The following NLGN1 variants were observed in gnomAD, a reference collection of about 807,000 sequenced individuals.
NLGN1 encodes neuroligin-1.
Under a neutral mutation model 65.5 loss-of-function variants are expected in NLGN1, and 12 were observed. That is an observed-to-expected ratio of 0.18 (90% CI 0.12 to 0.30). NLGN1 has a LOEUF of 0.30. Among genes scored for constraint, NLGN1 ranks in the 10% least tolerant of loss-of-function variants. The pLI is 1.00. For synonymous variants in NLGN1, 350 were observed against 359.5 expected (o/e 0.97, Z 0.30); for missense variants, 750 against 1,007.1 (o/e 0.74, Z 3.46).
intron 4 of NLGN1, among the ~76,000 whole-genome samples, chr3:173,993,330 G>A (rs1721530514): frequency 6.6e-6 from 1 of 152,202 alleles, no homozygotes; most frequent in Non-Finnish European, 1.5e-5. Flanking sequence ...GCCATTTGCA[G>A]TTTGTAAAAG....
chr3:173,775,975 G>A (rs558197634), intron 3 of NLGN1, among the ~76,000 whole-genome samples: 36 of 152,108 alleles, frequency 2.4e-4, no homozygotes, highest in African/African-American at 8.7e-4. Context: ...ATTTTCTACT[G>A]GAGTTCTTTA....
At chr3:173,585,320 C>A (rs542287666) in intron 2 of NLGN1, among the ~76,000 whole-genome samples, 3 of 152,226 alleles carry the variant, frequency 2.0e-5, no homozygotes, top group Non-Finnish European at 4.4e-5. Context: ...CCTAGCAATA[C>A]TTTAAGGAGA....
chr3:174,008,635 C>A (rs1724922256), intron 4 of NLGN1, among the ~76,000 whole-genome samples: 1 of 152,000 alleles, frequency 6.6e-6, no homozygotes, highest in Non-Finnish European at 1.5e-5. Flanking sequence ...GTTCAAAATA[C>A]TGATCCTCAC....
chr3:173,660,109 A>G (rs1259320156), intron 3 of NLGN1, among the ~76,000 whole-genome samples: 1 of 15,028 alleles, frequency 6.7e-5, no homozygotes, highest in Non-Finnish European at 1.1e-4. Context: ...TATTCTTGCT[A>G]TTCGTAGAGA....
intron 4 of NLGN1, among the ~76,000 whole-genome samples, chr3:173,824,160 G>A (rs997682377): frequency 1.8e-4 from 27 of 152,004 alleles, no homozygotes; most frequent in African/African-American, 5.3e-4. Flanking sequence ...CCACATAATA[G>A]TCTTATGGAT....
At chr3:173,906,893 A>G (rs1260132200) in intron 4 of NLGN1, among the ~76,000 whole-genome samples, 1 of 151,662 alleles carries the variant, frequency 6.6e-6, no homozygotes, top group Non-Finnish European at 1.5e-5. Flanking sequence ...AAAAAAAAAA[A>G]AAAAGAAAGG....
chr3:173,552,056 A>T (rs1740955876), intron 2 of NLGN1, among the ~76,000 whole-genome samples: 1 of 152,260 alleles, frequency 6.6e-6, no homozygotes, highest in Non-Finnish European at 1.5e-5. Context: ...CTTTGAGAAG[A>T]GAAAATTACT....
chr3:173,598,819 T>G (rs3853387), intron 2 of NLGN1, among the ~76,000 whole-genome samples: 128,208 of 152,148 alleles, frequency 0.84, 54,433 homozygotes, highest in East Asian at 0.93. Context: ...AAACAATTCC[T>G]GTAAGGGAGT....
chr3:173,957,464 CATT>C (rs1231522451), intron 4 of NLGN1, among the ~76,000 whole-genome samples: 8 of 152,128 alleles, frequency 5.3e-5, no homozygotes, highest in Non-Finnish European at 8.8e-5. Context: ...GTAAAAGAAA[CATT>C]ATTTAAAGCT....
At chr3:173,642,536 T>A (rs1016928042) in intron 3 of NLGN1, among the ~76,000 whole-genome samples, 1 of 152,214 alleles carries the variant, frequency 6.6e-6, no homozygotes, top group African/African-American at 2.4e-5. Flanking sequence ...AAACTAGAAC[T>A]GATGCACACT....
At chr3:173,561,347 G>A (rs188357159) in intron 2 of NLGN1, among the ~76,000 whole-genome samples, 72 of 152,216 alleles carry the variant, frequency 4.7e-4, no homozygotes, top group Non-Finnish European at 9.0e-4. Context: ...TTGTGATGTT[G>A]ACTTCTAGCG....
intron 4 of NLGN1, chr3:173,920,637 G>A (rs773498977): frequency 6.6e-6 from 1 of 152,110 alleles, no homozygotes; most frequent in Non-Finnish European, 1.5e-5. Context: ...AGAGTCAGTA[G>A]CTCATAACAC....
chr3:173,560,147 G>A (rs540645910), intron 2 of NLGN1, among the ~76,000 whole-genome samples: 4 of 151,940 alleles, frequency 2.6e-5, no homozygotes, highest in African/African-American at 4.8e-5. Flanking sequence ...GTTTCACCGC[G>A]GTCTCGATCT....
chr3:173,970,640 G>C (rs1716020996), intron 4 of NLGN1, among the ~76,000 whole-genome samples: 2 of 152,172 alleles, frequency 1.3e-5, no homozygotes, highest in South Asian at 4.1e-4. Context: ...GAAGAACACA[G>C]TATAGCATAG....
At chr3:173,658,845 A>G (rs1760483234) in intron 3 of NLGN1, among the ~76,000 whole-genome samples, 1 of 152,008 alleles carries the variant, frequency 6.6e-6, no homozygotes. Flanking sequence ...GTACTTTATA[A>G]TCTATTCATA....
chr3:173,486,118 C>G (rs1168378812), intron 2 of NLGN1, among the ~76,000 whole-genome samples: 1 of 152,134 alleles, frequency 6.6e-6, no homozygotes, highest in Non-Finnish European at 1.5e-5. Flanking sequence ...GATCTTGGCT[C>G]ACTGCAACCT....
intron 4 of NLGN1, among the ~76,000 whole-genome samples, chr3:174,081,286 C>T (rs1224981654): frequency 6.6e-6 from 1 of 152,074 alleles, no homozygotes; most frequent in East Asian, 1.9e-4. Flanking sequence ...TTTCTTAGTC[C>T]ATTTAGGCTG....
At chr3:174,131,698 C>T (rs1398806215) in intron 4 of NLGN1, among the ~76,000 whole-genome samples, 1 of 152,168 alleles carries the variant, frequency 6.6e-6, no homozygotes, top group South Asian at 2.1e-4. Flanking sequence ...AATCAGGACA[C>T]TACCTTTCAG....
At chr3:174,263,912 G>A (rs1225477703) in intron 4 of NLGN1, among the ~76,000 whole-genome samples, 1 of 150,896 alleles carries the variant, frequency 6.6e-6, no homozygotes, top group African/African-American at 2.4e-5. Context: ...TTGCTTGTCT[G>A]TAAAGTATTT....
Sources: allele counts gnomAD v4.1 joint callset (sites outside exome capture counted in the v4.1 genomes callset), GRCh38; gene constraint gnomAD v4.1.1; transcripts MANE v1.5; gene names NCBI Gene and HGNC (gene_info 2026-07-23, HGNC 2026-07-21).